Variants in FAM227B observed in about 807,000 individuals in gnomAD.
The protein encoded by FAM227B is family with sequence similarity 227 member B, also known as protein FAM227B.
Under a neutral mutation model 73.8 loss-of-function variants are expected in FAM227B, and 88 were observed. That is an observed-to-expected ratio of 1.19 (90% confidence interval 1.00 to 1.42). The LOEUF (loss-of-function observed/expected upper bound fraction) is 1.42, where lower values mean the gene tolerates loss of function less well. FAM227B is among the 40% of genes most tolerant of loss of function. The probability of loss-of-function intolerance (pLI) is 0.00; values close to 1 mark genes in which losing one functional copy is unlikely to be tolerated. For synonymous variants in FAM227B, 210 were observed against 190.5 expected, an observed-to-expected ratio of 1.10 and a Z score of -0.84; for missense variants, 632 against 590.9, an observed-to-expected ratio of 1.07 and a Z score of -0.72.
chr15:49,586,697 C>G (rs2076187485), intron 5 of FAM227B, among the ~76,000 whole-genome samples: 1 of 152,050 alleles, frequency 6.6e-6, no homozygotes, highest in South Asian at 2.1e-4. Flanking sequence ...AAGCACATAA[C>G]CCCATTAAAA....
chr15:49,362,481 G>C (rs1187047539), intron 13 of FAM227B, among the ~76,000 whole-genome samples: 1 of 151,328 alleles, frequency 6.6e-6, no homozygotes, highest in Non-Finnish European at 1.5e-5. Context: ...CTTTATAGCA[G>C]CATGAAAACC....
At chr15:49,428,044 A>G in intron 11 of FAM227B, among the ~76,000 whole-genome samples, 1 of 151,988 alleles carries the variant, frequency 6.6e-6, no homozygotes, top group East Asian at 1.9e-4. Flanking sequence ...GCATCAAGGA[A>G]CCCAACGGAA....
At chr15:49,443,845 G>A (rs1458878996) in intron 11 of FAM227B, among the ~76,000 whole-genome samples, 2 of 151,660 alleles carry the variant, frequency 1.3e-5, no homozygotes, top group East Asian at 3.9e-4. Context: ...ATATGCTTGT[G>A]TGCTATGCTT....
intron 13 of FAM227B, among the ~76,000 whole-genome samples, chr15:49,352,917 G>A (rs1256249621): frequency 1.3e-5 from 2 of 152,132 alleles, no homozygotes; most frequent in African/African-American, 4.8e-5. Flanking sequence ...CTGTTACACT[G>A]GTGTTCTGTC....
intron 11 of FAM227B, among the ~76,000 whole-genome samples, chr15:49,467,417 A>T (rs1197126025): frequency 2.0e-5 from 3 of 151,880 alleles, no homozygotes; most frequent in Non-Finnish European, 4.4e-5. Context: ...ATAGGTGTTA[A>T]CTCCTCCCTG....
intron 10 of FAM227B, among the ~76,000 whole-genome samples, chr15:49,530,961 T>C (rs2060563456): frequency 6.6e-6 from 1 of 151,816 alleles, no homozygotes; most frequent in Non-Finnish European, 1.5e-5. Flanking sequence ...GAGAATATTC[T>C]TTTGTTTTCA....
chr15:49,536,703 T>C (rs904108981), intron 10 of FAM227B, among the ~76,000 whole-genome samples: 15 of 151,936 alleles, frequency 9.9e-5, no homozygotes, highest in African/African-American at 3.4e-4. Context: ...AACTATGGTA[T>C]TGGCATGAAC....
chr15:49,506,804 T>C (rs1055901165), intron 11 of FAM227B, among the ~76,000 whole-genome samples: 1 of 151,952 alleles, frequency 6.6e-6, no homozygotes, highest in Non-Finnish European at 1.5e-5. Context: ...CTTAAAGCAG[T>C]GCTTAGGGAA....
At chr15:49,366,615 C>T in intron 13 of FAM227B, 1 of 1,596,282 alleles carries the variant, frequency 6.3e-7, no homozygotes, top group South Asian at 1.1e-5. Flanking sequence ...TCCTGAGCGG[C>T]TGTCAGCTGG....
chr15:49,382,356 C>A (rs982785791), intron 11 of FAM227B, among the ~76,000 whole-genome samples: 2 of 151,938 alleles, frequency 1.3e-5, no homozygotes, highest in African/African-American at 4.8e-5. Context: ...TACTATTTAG[C>A]AAATGTGACG....
chr15:49,331,198 G>A (rs2038665469), intron 15 of FAM227B: 4 of 152,272 alleles, frequency 2.6e-5, no homozygotes, highest in Admixed American at 2.6e-4. Context: ...CAATTGTCCA[G>A]CATTCAGACA....
chr15:49,500,716 T>A (rs1402787330), intron 11 of FAM227B, among the ~76,000 whole-genome samples: 1 of 152,220 alleles, frequency 6.6e-6, no homozygotes, highest in Non-Finnish European at 1.5e-5. Context: ...TTTGGATATC[T>A]ACCCCCAACC....
chr15:49,556,030 T>A (rs772623049), intron 9 of FAM227B, among the ~76,000 whole-genome samples: 35 of 152,208 alleles, frequency 2.3e-4, no homozygotes, highest in Non-Finnish European at 5.0e-4. Context: ...AGAATTAGGT[T>A]ATTATCGATG....
chr15:49,401,135 A>G (rs1233528668), intron 11 of FAM227B, among the ~76,000 whole-genome samples: 1 of 152,386 alleles, frequency 6.6e-6, no homozygotes, highest in Admixed American at 6.5e-5. Flanking sequence ...ATCTACAATG[A>G]ACTCAAACAA....
chr15:49,339,464 G>A (rs2040331526), intron 13 of FAM227B, among the ~76,000 whole-genome samples: 1 of 152,218 alleles, frequency 6.6e-6, no homozygotes, highest in Non-Finnish European at 1.5e-5. Context: ...CTGCACAACA[G>A]TAAAGATTGC....
At chr15:49,593,561 C>T (rs1241107791) in intron 3 of FAM227B, among the ~76,000 whole-genome samples, 1 of 151,996 alleles carries the variant, frequency 6.6e-6, no homozygotes, top group Non-Finnish European at 1.5e-5. Flanking sequence ...ATACACTGTA[C>T]CCAATGTGTA....
chr15:49,527,406 C>A (rs1156623941), intron 10 of FAM227B, among the ~76,000 whole-genome samples: 2 of 151,906 alleles, frequency 1.3e-5, no homozygotes, highest in African/African-American at 4.8e-5. Context: ...CAACATCATA[C>A]TAAATGGGAA....
intron 13 of FAM227B, among the ~76,000 whole-genome samples, chr15:49,358,009 C>A (rs1476908411): frequency 3.9e-5 from 6 of 151,940 alleles, no homozygotes; most frequent in Non-Finnish European, 8.8e-5. Context: ...TCAATAGATG[C>A]AGAAAAAGCC....
At chr15:49,544,728 T>G (rs945477125) in intron 9 of FAM227B, among the ~76,000 whole-genome samples, 3 of 152,200 alleles carry the variant, frequency 2.0e-5, no homozygotes, top group Admixed American at 1.3e-4. Flanking sequence ...ATGCTGGATT[T>G]TGTCAAATAA....
Sources: gnomAD v4.1 joint callset for allele counts (sites outside exome capture counted in the v4.1 genomes callset) on GRCh38, gnomAD v4.1.1 for gene constraint, MANE v1.5 for transcripts, NCBI Gene and HGNC (gene_info 2026-07-23, HGNC 2026-07-21) for gene names.